Variants in UNC5C observed in about 807,000 individuals in gnomAD.
UNC5C encodes the protein unc-5 netrin receptor C.
A neutral mutation model predicts 99.8 loss-of-function variants in UNC5C; 47 were observed. The ratio of observed to expected loss-of-function variants is 0.47; its 90% CI spans 0.37 to 0.60. The LOEUF (loss-of-function observed/expected upper bound fraction) is 0.60, where lower values mean the gene tolerates loss of function less well. UNC5C is among the 20% of genes least tolerant of loss of function. The pLI is 0.00. For synonymous variants in UNC5C, 487 were observed against 452.2 expected (o/e 1.08, Z -0.98); for missense variants, 1,062 against 1,165.9 (o/e 0.91, Z 1.30).
At position 95,304,733 on chromosome 4, in the gene UNC5C, ATG is replaced by A. The variant is rs372893469; in HGVS notation, c.347-2986_347-2985del. The stretch of plus-strand genomic sequence containing the variant: ...ACCAAAGGGCTGATAAATTTGCAAT[ATG>A]TGTTTCCTTAGAACTATAATGGTTC... On this transcript the variant is annotated intron_variant, in intron 2 of 15. Coordinates refer to ENST00000453304, the MANE Select transcript of UNC5C (RefSeq NM_003728.4). Among the ~76,000 whole-genome samples the A allele has an allele frequency of 5.9e-5, 9 of 152,322 alleles. No homozygotes were observed. In the East Asian group the frequency reaches 1.7e-3, roughly 29 times the overall value.
chr4:95,369,892 CT>C (rs376591246), intron 1 of UNC5C, among the ~76,000 whole-genome samples: 2,436 of 147,574 alleles, frequency 0.017, 27 homozygotes, highest in African/African-American at 0.033. Flanking sequence ...GTAGCCCCCC[CT>C]TTTTTTTTTC....
chr4:95,478,928 C>G (rs189872003), intron 1 of UNC5C, among the ~76,000 whole-genome samples: 5 of 151,822 alleles, frequency 3.3e-5, no homozygotes, highest in Middle Eastern at 6.8e-3. Context: ...TTAAAAGGAA[C>G]CTGGCACCTT....
At chr4:95,351,676 T>C (rs61570927) in intron 1 of UNC5C, among the ~76,000 whole-genome samples, 27,991 of 148,960 alleles carry the variant, frequency 0.19, 2,748 homozygotes, top group Middle Eastern at 0.27. Flanking sequence ...CAGAGTGAGA[T>C]TGTGTCTTTA....
At chr4:95,170,060 G>GAA in intron 15 of UNC5C, 94 bp downstream of exon 15, 1 of 1,438,826 alleles carries the variant, frequency 7.0e-7, no homozygotes, top group African/African-American at 1.4e-5. Context: ...TGTGTGGATG[G>GAA]AAAAAAAAAT....
At chr4:95,433,364 G>A (rs1282178928) in intron 1 of UNC5C, among the ~76,000 whole-genome samples, 1 of 151,678 alleles carries the variant, frequency 6.6e-6, no homozygotes, top group Non-Finnish European at 1.5e-5. Flanking sequence ...CTTCTTTTTG[G>A]GTTTTGGGAT....
chr4:95,534,131 G>A (rs1347462608), intron 1 of UNC5C, among the ~76,000 whole-genome samples: 1 of 152,102 alleles, frequency 6.6e-6, no homozygotes, highest in Non-Finnish European at 1.5e-5. Flanking sequence ...GGAGGGTTGG[G>A]CTAAAAAAAT....
intron 1 of UNC5C, among the ~76,000 whole-genome samples, chr4:95,364,297 G>T (rs1437508810): frequency 2.0e-5 from 3 of 152,122 alleles, no homozygotes; most frequent in Non-Finnish European, 4.4e-5. Flanking sequence ...ACCTCTTTTT[G>T]ATACACCAAA....
chr4:95,224,168 G>A (rs937336789), intron 7 of UNC5C, among the ~76,000 whole-genome samples: 4 of 152,096 alleles, frequency 2.6e-5, no homozygotes, highest in Non-Finnish European at 5.9e-5. Flanking sequence ...CTGTGATCCC[G>A]GCTACTCAGG....
intron 2 of UNC5C, among the ~76,000 whole-genome samples, chr4:95,327,566 T>C (rs746731045): frequency 2.0e-5 from 3 of 152,126 alleles, no homozygotes; most frequent in Non-Finnish European, 4.4e-5. Flanking sequence ...CACAGTGTTC[T>C]CTACTTTGGC....
chr4:95,318,157 G>A (rs779210223), intron 2 of UNC5C, among the ~76,000 whole-genome samples: 66 of 152,054 alleles, frequency 4.3e-4, no homozygotes, highest in Non-Finnish European at 8.1e-4. Context: ...AGGTAATCCA[G>A]GATAATATCC....
At chr4:95,364,096 C>T (rs778344642) in intron 1 of UNC5C, among the ~76,000 whole-genome samples, 2 of 152,192 alleles carry the variant, frequency 1.3e-5, no homozygotes, top group Non-Finnish European at 2.9e-5. Flanking sequence ...TGCTGCCACT[C>T]TCAACCATGC....
chr4:95,212,230 T>TA (rs954874462), intron 10 of UNC5C, among the ~76,000 whole-genome samples: 16 of 149,246 alleles, frequency 1.1e-4, no homozygotes, highest in East Asian at 3.9e-4. Context: ...TTCCACCAAT[T>TA]AAAAAAAAAA....
chr4:95,181,495 C>T (rs999351363), intron 14 of UNC5C, among the ~76,000 whole-genome samples: 2 of 152,046 alleles, frequency 1.3e-5, no homozygotes, highest in Admixed American at 6.6e-5. Flanking sequence ...TCCAAAATTC[C>T]GCAGCCTTTG....
chr4:95,470,211 A>G (rs1286568023), intron 1 of UNC5C, among the ~76,000 whole-genome samples: 1 of 152,074 alleles, frequency 6.6e-6, no homozygotes, highest in Non-Finnish European at 1.5e-5. Context: ...AATTTTTTCT[A>G]CATTTCTAGG....
chr4:95,353,152 A>G (rs1744048472), intron 1 of UNC5C, among the ~76,000 whole-genome samples: 1 of 152,160 alleles, frequency 6.6e-6, no homozygotes, highest in Non-Finnish European at 1.5e-5. Context: ...ATCTTCCCAG[A>G]TAAAACCATT....
chr4:95,311,202 T>C (rs747162146), intron 2 of UNC5C, among the ~76,000 whole-genome samples: 27 of 152,170 alleles, frequency 1.8e-4, no homozygotes, highest in Non-Finnish European at 3.7e-4. Context: ...ATCTTTCAAA[T>C]GTGTGCAAAG....
At chr4:95,357,762 T>A (rs1343372811) in intron 1 of UNC5C, among the ~76,000 whole-genome samples, 1 of 151,940 alleles carries the variant, frequency 6.6e-6, no homozygotes, top group Non-Finnish European at 1.5e-5. Context: ...CTGTACTCCA[T>A]CCTGGGTGAC....
chr4:95,199,238 G>A (rs908936121), intron 12 of UNC5C, among the ~76,000 whole-genome samples: 1 of 152,156 alleles, frequency 6.6e-6, no homozygotes, highest in African/African-American at 2.4e-5. Context: ...CGCCAAGAAG[G>A]CAGAGTTTTA....
chr4:95,240,824 T>A (rs1739304857), intron 7 of UNC5C, among the ~76,000 whole-genome samples: 1 of 152,184 alleles, frequency 6.6e-6, no homozygotes, highest in Non-Finnish European at 1.5e-5. Context: ...TTTGAATATA[T>A]CATGTTTGTA....
Sources: allele counts gnomAD v4.1 joint callset (sites outside exome capture counted in the v4.1 genomes callset), GRCh38; gene constraint gnomAD v4.1.1; transcripts MANE v1.5; gene names NCBI Gene and HGNC (gene_info 2026-07-23, HGNC 2026-07-21).